The following MAP4K4 variants were observed in gnomAD, a reference collection of about 807,000 sequenced individuals.
MAP4K4 encodes HPK/GCK-like kinase HGK.
Under a neutral mutation model 189.6 loss-of-function variants are expected in MAP4K4, and 38 were observed. The observed-to-expected ratio is 0.20, with a 90% CI of 0.15 to 0.26. The LOEUF is 0.26. MAP4K4 is among the 10% of genes least tolerant of loss of function. MAP4K4 has a pLI of 1.00. For synonymous variants in MAP4K4, 610 were observed against 624.3 expected (o/e 0.98, Z 0.34); for missense variants, 1,054 against 1,726.9 (o/e 0.61, Z 6.91).
At chr2:101,841,860 T>G (rs544990162) in intron 10 of MAP4K4, among the ~76,000 whole-genome samples, 1 of 152,320 alleles carries the variant, frequency 6.6e-6, no homozygotes, top group South Asian at 2.1e-4. Flanking sequence ...TTTGATTGAT[T>G]TCTGGAGTGA....
At chr2:101,702,137 A>G (rs974455226) in intron 2 of MAP4K4, among the ~76,000 whole-genome samples, 1 of 152,150 alleles carries the variant, frequency 6.6e-6, no homozygotes, top group Non-Finnish European at 1.5e-5. Context: ...CTGGGATTGT[A>G]TACAGGCATG....
At chr2:101,816,295 T>G (rs1266920270) in intron 3 of MAP4K4, among the ~76,000 whole-genome samples, 6 of 152,234 alleles carry the variant, frequency 3.9e-5, no homozygotes, top group Non-Finnish European at 8.8e-5. Flanking sequence ...CCTTCATTCT[T>G]TTTTATTGAA....
chr2:101,788,916 C>G (rs965782886), intron 2 of MAP4K4, among the ~76,000 whole-genome samples: 3 of 152,008 alleles, frequency 2.0e-5, no homozygotes, highest in Admixed American at 6.6e-5. Flanking sequence ...TCTGAGGAGG[C>G]TTTTTCATAG....
At chr2:101,833,758 A>G (rs2096658252) in intron 7 of MAP4K4, among the ~76,000 whole-genome samples, 2 of 152,264 alleles carry the variant, frequency 1.3e-5, no homozygotes, top group Admixed American at 1.3e-4. Flanking sequence ...AGTAGAAAGT[A>G]AAGTTTAATT....
At chr2:101,841,544 C>T (rs905109613) in intron 10 of MAP4K4, among the ~76,000 whole-genome samples, 1 of 151,924 alleles carries the variant, frequency 6.6e-6, no homozygotes, top group African/African-American at 2.4e-5. Flanking sequence ...TCTTGGCTCA[C>T]TGCAGCCTCC....
rs751435179 is a variant in MAP4K4 at position 101,869,796 on chromosome 2, G to A, written c.2638G>A (p.Ala880Thr). Residue 880 changes from alanine to threonine, a missense_variant and splice_region_variant, in exon 22 of 33, where the codon GCG becomes ACG. Ala to Thr is a moderately conservative substitution (Grantham distance 58). Around this residue, in one of 4 missense-constraint regions of MAP4K4, gnomAD observed 646 missense variants for 796.2 expected, o/e 0.81. Transcript: ENST00000324219. ...CTCAGGACCAGAGGACACCAGAGCA[G>A]CGTCAGTCCCCGGTCTCTTTTAGAG... The A allele has an allele frequency of 3.2e-6, 5 of 1,553,090 alleles. No individual in the cohort carries two copies. The East Asian group carries it at 9.5e-5, about 29-fold the overall frequency.
intron 2 of MAP4K4, among the ~76,000 whole-genome samples, chr2:101,753,564 A>AT (rs2070415878): frequency 6.6e-6 from 1 of 152,126 alleles, no homozygotes; most frequent in Non-Finnish European, 1.5e-5. Flanking sequence ...TCTAGCTATG[A>AT]TTTATGAAAC....
At chr2:101,878,607 T>C (rs1330293195) in intron 27 of MAP4K4, among the ~76,000 whole-genome samples, 2 of 152,322 alleles carry the variant, frequency 1.3e-5, no homozygotes, top group East Asian at 3.9e-4. Flanking sequence ...TTCACAGATA[T>C]CCTTGTAGCT....
chr2:101,799,497 C>T (rs967803933), intron 3 of MAP4K4, among the ~76,000 whole-genome samples: 1 of 152,166 alleles, frequency 6.6e-6, no homozygotes, highest in Non-Finnish European at 1.5e-5. Flanking sequence ...TCTTCAGCCC[C>T]TCTGTGGTTA....
chr2:101,767,145 C>A (rs2150285384), intron 2 of MAP4K4, among the ~76,000 whole-genome samples: 1 of 152,294 alleles, frequency 6.6e-6, no homozygotes, highest in Admixed American at 6.5e-5. Context: ...GCAACCAATT[C>A]TCCTGCCTCA....
chr2:101,775,346 T>C lies in MAP4K4; in HGVS notation c.124-15374T>C, dbSNP rs371700091. Among the ~76,000 whole-genome samples the C allele has an allele frequency of 3.3e-5, 5 of 151,592 alleles. No homozygotes were observed. The South Asian group carries it at 8.3e-4, about 25-fold the overall frequency. On this transcript the variant is annotated intron_variant, in intron 2 of 32. Coordinates refer to ENST00000324219, the Ensembl canonical transcript of MAP4K4. Reference sequence around the variant, plus strand: ...CTCTGCTTGTATTTCCTGTGAAAAATTTGTATCTTACCAAGTTTATTTCTG... The same window carrying C: ...CTCTGCTTGTATTTCCTGTGAAAAACTTGTATCTTACCAAGTTTATTTCTG...
chr2:101,772,910 A>G (rs1237624798), intron 2 of MAP4K4, among the ~76,000 whole-genome samples: 1 of 152,180 alleles, frequency 6.6e-6, no homozygotes. Context: ...GTCTGAACCC[A>G]TGCTGCTCAC....
chr2:101,871,741 G>C, intron 24 of MAP4K4, 56 bp downstream of exon 24: 1 of 1,474,018 alleles, frequency 6.8e-7, no homozygotes, highest in Non-Finnish European at 9.1e-7. Context: ...CACTGCCTAG[G>C]AGTTAGTTTG....
chr2:101,856,795 T>C (rs2097483241), intron 13 of MAP4K4, among the ~76,000 whole-genome samples: 1 of 152,224 alleles, frequency 6.6e-6, no homozygotes. Flanking sequence ...CTCTTTGTTA[T>C]GAGCTTGGAA....
At chr2:101,785,698 C>CTTTTCCTTTTTTGAGT (rs1558913722) in intron 2 of MAP4K4, among the ~76,000 whole-genome samples, 13 of 3,978 alleles carry the variant, frequency 3.3e-3, no homozygotes, top group African/African-American at 0.013. Flanking sequence ...CTCTCTCTCT[C>CTTTTCCTTTTTTGAGT]TCTCTCTCTC....
At chr2:101,812,944 A>G (rs1027492487) in intron 3 of MAP4K4, among the ~76,000 whole-genome samples, 7 of 152,106 alleles carry the variant, frequency 4.6e-5, no homozygotes, top group Non-Finnish European at 7.4e-5. Flanking sequence ...TGGCTAACAC[A>G]TGGTGAAACC....
At chr2:101,794,315 C>T (rs1027115281) in intron 3 of MAP4K4, among the ~76,000 whole-genome samples, 14 of 152,256 alleles carry the variant, frequency 9.2e-5, no homozygotes, top group South Asian at 6.2e-4. Context: ...AACTTAAGTA[C>T]ATGCACAAAA....
intron 2 of MAP4K4, among the ~76,000 whole-genome samples, chr2:101,744,150 A>G (rs1476933215): frequency 1.3e-5 from 2 of 152,204 alleles, no homozygotes; most frequent in African/African-American, 2.4e-5. Context: ...CCTCCAGAGC[A>G]GCACTGCCCA....
In MAP4K4 at chr2:101,782,204, G is replaced by T. The variant is rs575279997; in HGVS notation, c.124-8516G>T. ...TAATTTATTTTACTTTCAGTTATCT[G>T]CTAACGCAGCTATGCAAAATGACTC... On this transcript the variant is annotated intron_variant, in intron 2 of 32. Coordinates refer to ENST00000324219, the Ensembl canonical transcript of MAP4K4. 4.7e-4 allele frequency among the ~76,000 whole-genome samples: 72 copies of T among 152,312 alleles called. 2 individuals are homozygous for T. In the South Asian group the frequency reaches 0.014, roughly 31 times the overall value.
Sources: gnomAD v4.1 joint callset for allele counts (sites outside exome capture counted in the v4.1 genomes callset) on GRCh38, gnomAD v4.1.1 for gene constraint, gnomAD v4.1.1 regional missense constraint, MANE v1.5 for transcripts, NCBI Gene and HGNC (gene_info 2026-07-23, HGNC 2026-07-21) for gene names.